TTC7B: variants seen among roughly 807,000 people sequenced by gnomAD.
The protein encoded by TTC7B is tetratricopeptide repeat domain 7B, also known as tetratricopeptide repeat protein 7B.
In TTC7B, 28 loss-of-function variants were observed where a neutral mutation model predicts 106.8. The observed-to-expected ratio is 0.26, with a 90% confidence interval of 0.19 to 0.36. The LOEUF (loss-of-function observed/expected upper bound fraction) is 0.36, where lower values mean the gene tolerates loss of function less well. Among genes scored for constraint, TTC7B ranks in the 10% least tolerant of loss-of-function variants. The pLI, the probability that TTC7B is intolerant of heterozygous loss-of-function variation, is 1.00. For missense variants in TTC7B, 862 were observed against 1,076.4 expected (o/e 0.80, Z 2.79); for synonymous variants, 405 against 430.6 (o/e 0.94, Z 0.74).
In TTC7B at chr14:90,540,670, T is replaced by C. The variant is rs1889543490; in HGVS notation, c.*698A>G. On this transcript the variant is annotated 3_prime_UTR_variant, in exon 20 of 20. Coordinates refer to ENST00000328459, the MANE Select transcript of TTC7B (RefSeq NM_001010854.2). ...CATGTATAAGGAATGTCGGTAAATA[T>C]TCCATTTGAAGCTTCTTTGTACATA... is the stretch of plus-strand genomic sequence containing the variant. 6.5e-6 allele frequency: 1 copy of C among 153,900 alleles called. No homozygotes were observed. 9.5% of individuals were successfully genotyped at this position (153,900 alleles called of 1,614,324 possible). A position where few individuals can be genotyped will look rare whatever the true frequency, so the allele number is the denominator to read the frequency against.
chr14:90,555,415 G>A (rs945352548), intron 19 of TTC7B, among the ~76,000 whole-genome samples: 4 of 152,206 alleles, frequency 2.6e-5, no homozygotes, highest in African/African-American at 9.7e-5. Flanking sequence ...GGAAGGGGGG[G>A]GTGTTTGATG....
intron 5 of TTC7B, among the ~76,000 whole-genome samples, chr14:90,713,636 A>G (rs541595829): frequency 7.0e-4 from 107 of 152,274 alleles, no homozygotes; most frequent in Non-Finnish European, 3.2e-4. Context: ...ATGGTTTCCT[A>G]AAAAGTGAAA....
intron 5 of TTC7B, among the ~76,000 whole-genome samples, chr14:90,728,623 G>A (rs866853360): frequency 2.0e-5 from 3 of 152,222 alleles, no homozygotes; most frequent in Middle Eastern, 3.4e-3. Context: ...AGTGTCTCAG[G>A]GCCCAGTAGT....
At chr14:90,737,292 T>A (rs1435407880) in intron 4 of TTC7B, among the ~76,000 whole-genome samples, 1 of 130,720 alleles carries the variant, frequency 7.6e-6, no homozygotes, top group Non-Finnish European at 1.5e-5. Flanking sequence ...ACTGAAAACA[T>A]ATGTCTACAC....
At chr14:90,595,466 TA>T (rs1320915078) in intron 17 of TTC7B, among the ~76,000 whole-genome samples, 2 of 152,240 alleles carry the variant, frequency 1.3e-5, no homozygotes, top group Admixed American at 1.3e-4. Context: ...TACTATTTTT[TA>T]AAAATCTACA....
chr14:90,657,874 C>T lies in TTC7B; in HGVS notation c.1236+430G>A, dbSNP rs1320525262. 1 of 188,800 alleles carries T rather than the reference C, an allele frequency of 5.3e-6. No homozygotes were observed. The highest frequency in any genetic ancestry group is 1.1e-5 in the Non-Finnish European group (1 of 89,402). The allele number at this position is 188,800 out of a possible 1,614,324, so 11.7% of individuals were successfully genotyped here. A position where few individuals can be genotyped will look rare whatever the true frequency, so the allele number is the denominator to read the frequency against. On this transcript the variant is annotated intron_variant, in intron 10 of 19. Transcript: ENST00000328459. The surrounding 1 kb of genome is among the most constrained non-coding windows in gnomAD (Gnocchi z 4.2). The stretch of plus-strand genomic sequence containing the variant: ...CTGGGTCACTCAGCTGGGAGAGCAG[C>T]ATCAAGCTTCTATCCTGCCGTTGGA...
In TTC7B at chr14:90,808,811, A is replaced by G. The variant is rs1227795499; in HGVS notation, c.121+7364T>C. The stretch of plus-strand genomic sequence containing the variant: ...CCATCTACCAAGCATGAGGTCATTC[A>G]GAGGGGCAGGAATCCACCCACGTGT... On this transcript the variant is annotated intron_variant, in intron 1 of 19. Coordinates refer to ENST00000328459, the MANE Select transcript of TTC7B (RefSeq NM_001010854.2). The surrounding 1 kb of genome is among the most constrained non-coding windows in gnomAD (Gnocchi z 4.2). 6.6e-6 allele frequency among the ~76,000 whole-genome samples: 1 copy of G among 152,218 alleles called. No individual in the cohort carries two copies. Among genetic ancestry groups the G allele is most frequent in the East Asian group, 1.9e-4 (1 of 5,198 alleles).
chr14:90,566,297 T>C (rs1368715726), intron 19 of TTC7B, among the ~76,000 whole-genome samples: 1 of 150,938 alleles, frequency 6.6e-6, no homozygotes, highest in Non-Finnish European at 1.5e-5. Context: ...TGAGCCAAGA[T>C]CGCACCACTG....
In TTC7B at chr14:90,539,054, T is replaced by C. The variant is rs1272101329; in HGVS notation, c.*2314A>G. On this transcript the variant is annotated 3_prime_UTR_variant, in exon 20 of 20. Coordinates refer to ENST00000328459, the MANE Select transcript of TTC7B (RefSeq NM_001010854.2). ...ACAAAAGTCCCAGGGGTGCTTCTCA[T>C]TGGCCAAGCATGGGTCACATGCCCA... 2 of 152,198 alleles carry C rather than the reference T, an allele frequency of 1.3e-5. No individual in the cohort carries two copies. Among genetic ancestry groups the C allele is most frequent in the Non-Finnish European group, 2.9e-5 (2 of 68,040 alleles). 9.4% of individuals were successfully genotyped at this position (152,198 alleles called of 1,614,324 possible). A position where few individuals can be genotyped will look rare whatever the true frequency, so the allele number is the denominator to read the frequency against.
At chr14:90,745,145 C>G (rs1889912834) in intron 3 of TTC7B, among the ~76,000 whole-genome samples, 1 of 151,998 alleles carries the variant, frequency 6.6e-6, no homozygotes, top group African/African-American at 2.4e-5. Flanking sequence ...GGGGTGACAG[C>G]AACCGCCAGC....
chr14:90,763,645 AATG>A (rs1181270137), intron 3 of TTC7B, among the ~76,000 whole-genome samples: 3 of 152,204 alleles, frequency 2.0e-5, no homozygotes. Flanking sequence ...ATAGCTAATA[AATG>A]AGCTCAGCAG....
At chr14:90,756,394 T>G (rs1156861720) in intron 3 of TTC7B, among the ~76,000 whole-genome samples, 2 of 150,340 alleles carry the variant, frequency 1.3e-5, no homozygotes, top group African/African-American at 2.4e-5. Flanking sequence ...GTTTTTTTTT[T>G]TTGTTTTTTT....
At chr14:90,718,889 C>T (rs1364755093) in intron 5 of TTC7B, among the ~76,000 whole-genome samples, 2 of 103,222 alleles carry the variant, frequency 1.9e-5, no homozygotes, top group East Asian at 4.2e-4. Context: ...TGATGGGAGA[C>T]AACTGTAAAC....
At chr14:90,695,696 C>A in intron 5 of TTC7B, 118 bp from the exon 6 acceptor site, 1 of 488,608 alleles carries the variant, frequency 2.0e-6, no homozygotes, top group Non-Finnish European at 3.4e-6. Flanking sequence ...TTTAAGCAAA[C>A]GATTACTCTG....
intron 17 of TTC7B, chr14:90,603,413 G>T: frequency 3.2e-6 from 2 of 620,700 alleles, no homozygotes; most frequent in Non-Finnish European, 4.9e-6. Flanking sequence ...CCAACTGTAA[G>T]TCTGGCTGTC....
At position 90,657,353 on chromosome 14, in the gene TTC7B, G is replaced by A; in HGVS notation, c.1237-75C>T. Reference sequence around the variant, plus strand: ...CGAATACTACAGCCTTCTCAGAGGGGTTTTTGGTCAGGGTGACCTCCTCGT... The same window carrying A: ...CGAATACTACAGCCTTCTCAGAGGGATTTTTGGTCAGGGTGACCTCCTCGT... On this transcript the variant is annotated intron_variant, in intron 10 of 19. Transcript: ENST00000328459. This position sits in a 1 kb window ranked among gnomAD's most constrained non-coding sequence, Gnocchi z 4.2. The A allele has an allele frequency of 6.7e-7, 1 of 1,481,862 alleles. No individual in the cohort carries two copies. The allele number at this position is 1,481,862 out of a possible 1,614,324, so 91.8% of individuals were successfully genotyped here. A position where few individuals can be genotyped will look rare whatever the true frequency, so the allele number is the denominator to read the frequency against.
intron 1 of TTC7B, among the ~76,000 whole-genome samples, chr14:90,806,173 G>A (rs750988087): frequency 2.6e-5 from 4 of 152,224 alleles, no homozygotes; most frequent in South Asian, 4.1e-4. Context: ...CCGGGGCTGA[G>A]AGTCTAGTGG....
chr14:90,606,909 C>T (rs1272332377), intron 17 of TTC7B, among the ~76,000 whole-genome samples: 1 of 152,102 alleles, frequency 6.6e-6, no homozygotes, highest in Admixed American at 6.5e-5. Flanking sequence ...TGAGGCTGCA[C>T]TGTATAAGGA....
chr14:90,696,857 A>G (rs1400146620), intron 5 of TTC7B, among the ~76,000 whole-genome samples: 2 of 152,334 alleles, frequency 1.3e-5, no homozygotes, highest in East Asian at 3.9e-4. Flanking sequence ...GTGAATAAAG[A>G]TTAGGTAACA....
Sources: allele counts gnomAD v4.1 joint callset (sites outside exome capture counted in the v4.1 genomes callset), GRCh38; gene constraint gnomAD v4.1.1; non-coding constraint Gnocchi (gnomAD v3.1); transcripts MANE v1.5; gene names NCBI Gene and HGNC (gene_info 2026-07-23, HGNC 2026-07-21).